The following PROM1 variants were observed in gnomAD, a reference collection of about 807,000 sequenced individuals.
The protein encoded by PROM1 is prominin-1.
Under a neutral mutation model 116.9 loss-of-function variants are expected in PROM1, and 105 were observed. The ratio of observed to expected loss-of-function variants is 0.90; its 90% CI spans 0.77 to 1.06. The LOEUF is 1.06. PROM1 is among the 50% of genes least tolerant of loss of function. The pLI is 0.00. For synonymous variants in PROM1, 393 were observed against 387.0 expected (o/e 1.02, Z -0.18); for missense variants, 1,122 against 1,045.2 (o/e 1.07, Z -1.01).
intron 5 of PROM1, among the ~76,000 whole-genome samples, chr4:16,026,281 C>G (rs984921269): frequency 1.3e-5 from 2 of 151,862 alleles, no homozygotes; most frequent in African/African-American, 4.8e-5. Context: ...ATAATTTGAC[C>G]AATTGGCCTG....
rs2149341867 is a variant in PROM1, at chr4:16,025,171, CAT to C, written c.630+19_630+20del. 6.2e-7 allele frequency: 1 copy of C among 1,611,984 alleles called. No individual in the cohort carries two copies. Among genetic ancestry groups the C allele is most frequent in the East Asian group, 2.2e-5 (1 of 44,806 alleles). Reference sequence around the variant, plus strand: ...ACCAAAAATATAAAGCATCGCGGTACATAGAGATGATGGTTTTTACCTCTGGA... The same window carrying C: ...ACCAAAAATATAAAGCATCGCGGTACAGAGATGATGGTTTTTACCTCTGGA... On this transcript the variant is annotated intron_variant, in intron 6 of 27. Transcript: ENST00000447510.
intron 2 of PROM1, among the ~76,000 whole-genome samples, chr4:16,051,787 T>C (rs1455939018): frequency 2.0e-5 from 3 of 152,206 alleles, no homozygotes; most frequent in African/African-American, 7.2e-5. Context: ...CCTGGTTTAA[T>C]GAGCCCGGCA....
rs1718755059 is a variant in PROM1, at chr4:15,984,318, G to A, written c.2318C>T (p.Thr773Ile). Residue 773 changes from threonine to isoleucine, a missense_variant, in exon 23 of 28, where the codon ACC becomes ATC. Thr to Ile is a moderately conservative substitution (Grantham distance 89, BLOSUM62 -1). Transcript: ENST00000447510. The stretch of plus-strand genomic sequence containing the variant: ...GACATCAACAGCAGTATCTAGAGCG[G>A]TGGCCACAGGTTTGCACGATGCCAC... ...EKVASCKPVA[T>I]ALDTAVDVFL... 6 of 1,607,498 alleles carry A rather than the reference G, an allele frequency of 3.7e-6. No individual in the cohort carries two copies. In the Admixed American group the frequency reaches 5.0e-5, roughly 14 times the overall value.
intron 10 of PROM1, 92 bp downstream of exon 10, chr4:16,016,074 A>T: frequency 8.7e-7 from 1 of 1,144,430 alleles, no homozygotes; most frequent in Non-Finnish European, 1.3e-6. Flanking sequence ...CTAGAATTTC[A>T]CTGCTTTTTT....
chr4:15,984,677 GCATGAAC>G (rs959823699), intron 22 of PROM1, among the ~76,000 whole-genome samples: 61 of 152,202 alleles, frequency 4.0e-4, no homozygotes, highest in African/African-American at 1.4e-3. Flanking sequence ...TCTCATAGGA[GCATGAAC>G]CCTATTGTGG....
chr4:16,014,960 T>C (rs972491571), intron 10 of PROM1, among the ~76,000 whole-genome samples: 6 of 152,100 alleles, frequency 3.9e-5, no homozygotes, highest in Non-Finnish European at 8.8e-5. Flanking sequence ...ATTACAGTTA[T>C]GAGGAAATTA....
At chr4:16,023,523 T>C (rs538013855) in intron 7 of PROM1, 108 bp from the exon 8 acceptor site, 30 of 829,370 alleles carry the variant, frequency 3.6e-5, no homozygotes, top group Non-Finnish European at 5.1e-5. Flanking sequence ...CAAAACCCAT[T>C]TGCATCCTGG....
chr4:15,999,238 A>AGGC (rs1723089716), intron 14 of PROM1, among the ~76,000 whole-genome samples: 2 of 151,874 alleles, frequency 1.3e-5, no homozygotes, highest in African/African-American at 2.4e-5. Flanking sequence ...TTGGGAGGCC[A>AGGC]AGGTGGGCAG....
chr4:15,988,920 T>G (rs1307605651), intron 19 of PROM1, among the ~76,000 whole-genome samples: 1 of 152,224 alleles, frequency 6.6e-6, no homozygotes, highest in Non-Finnish European at 1.5e-5. Context: ...GATGTTTGGA[T>G]GTTGGGGCTA....
intron 5 of PROM1, 115 bp from the exon 6 acceptor site, chr4:16,025,427 T>C (rs1731011278): frequency 7.6e-7 from 1 of 1,310,238 alleles, no homozygotes; most frequent in Non-Finnish European, 1.0e-6. Context: ...GACTGGCCTT[T>C]CCTCTCCCGC....
chr4:16,019,116 C>T (rs142465395), intron 8 of PROM1, among the ~76,000 whole-genome samples: 1 of 152,316 alleles, frequency 6.6e-6, no homozygotes, highest in Non-Finnish European at 1.5e-5. Flanking sequence ...AACACCACCA[C>T]ATTCATCATG....
At chr4:15,994,138 A>G (rs1419254435) in intron 15 of PROM1, 67 bp from the exon 16 acceptor site, 1 of 1,603,190 alleles carries the variant, frequency 6.2e-7, no homozygotes, top group African/African-American at 1.3e-5. Context: ...CCACCACTGA[A>G]GATGAGGAGA....
At chr4:15,995,001 C>T (rs1302250752) in intron 15 of PROM1, among the ~76,000 whole-genome samples, 1 of 152,200 alleles carries the variant, frequency 6.6e-6, no homozygotes, top group Non-Finnish European at 1.5e-5. Flanking sequence ...TGGCTTTGTC[C>T]TCTCAGCCTA....
intron 12 of PROM1, among the ~76,000 whole-genome samples, chr4:16,007,307 G>GCAAAT (rs1227931475): frequency 6.6e-6 from 1 of 152,160 alleles, no homozygotes; most frequent in Admixed American, 6.5e-5. Context: ...ATTTCATAAT[G>GCAAAT]GTCCTGCGAG....
chr4:16,022,576 T>C (rs1730176474), intron 8 of PROM1, among the ~76,000 whole-genome samples: 2 of 149,544 alleles, frequency 1.3e-5, no homozygotes, highest in South Asian at 2.1e-4. Context: ...TTCTCTTCTT[T>C]ATGGACTATG....
chr4:16,073,139 G>A (rs986145757), intron 2 of PROM1, among the ~76,000 whole-genome samples: 4 of 151,922 alleles, frequency 2.6e-5, no homozygotes, highest in East Asian at 1.9e-4. Flanking sequence ...TTGATATATC[G>A]GCTGTATCTG....
chr4:16,046,854 C>G (rs886710238), intron 2 of PROM1, among the ~76,000 whole-genome samples: 3 of 152,170 alleles, frequency 2.0e-5, no homozygotes, highest in African/African-American at 7.2e-5. Flanking sequence ...TGACTTTGCT[C>G]ATTTGATTCT....
rs1380533252 is a variant in PROM1, at chr4:16,018,538, T to A, written c.787A>T (p.Ile263Phe). 6.2e-7 allele frequency: 1 copy of A among 1,604,772 alleles called. No homozygotes were observed. Among genetic ancestry groups the A allele is most frequent in the Non-Finnish European group, 8.5e-7 (1 of 1,176,150 alleles). ...TCCAACGCCTCTTTGGTCTCCTTGA[T>A]CGCTATGGAAACACAGCCCGCTTCA... ...LDEIKSMATA[I>F]KETKEALENM... is the part of the protein sequence containing the mutation. Residue 263 changes from isoleucine (I) to phenylalanine (F), a missense_variant and splice_region_variant, in exon 9 of 28, where the codon ATC (isoleucine) becomes TTC (phenylalanine). By Grantham distance (21) the Ile-to-Phe change is conservative. Coordinates refer to ENST00000447510, the MANE Select transcript of PROM1 (RefSeq NM_006017.3).
At chr4:16,015,782 T>C (rs535314281) in intron 10 of PROM1, among the ~76,000 whole-genome samples, 1 of 151,964 alleles carries the variant, frequency 6.6e-6, no homozygotes, top group Admixed American at 6.6e-5. Context: ...GGGAAGAGCA[T>C]GTGCAAATGC....
Sources: gnomAD v4.1 joint callset for allele counts (sites outside exome capture counted in the v4.1 genomes callset) on GRCh38, gnomAD v4.1.1 for gene constraint, MANE v1.5 for transcripts, NCBI Gene and HGNC (gene_info 2026-07-23, HGNC 2026-07-21) for gene names.